Variants in CTNND2 observed in about 807,000 individuals in gnomAD.
CTNND2 encodes the protein catenin delta 2.
Under a neutral mutation model 144.4 loss-of-function variants are expected in CTNND2, and 22 were observed. The ratio of observed to expected loss-of-function variants is 0.15; its 90% confidence interval spans 0.11 to 0.22. The LOEUF is 0.22. Ranked by LOEUF, CTNND2 falls within the 10% of genes least tolerant of loss-of-function variation. CTNND2 has a pLI of 1.00. For missense variants in CTNND2, 1,353 were observed against 1,618.8 expected, an observed-to-expected ratio of 0.84 and a Z score of 2.82; for synonymous variants, 751 against 695.6, an observed-to-expected ratio of 1.08 and a Z score of -1.25.
chr5:11,119,126 G>T (rs1037985227), intron 12 of CTNND2, among the ~76,000 whole-genome samples: 53 of 152,132 alleles, frequency 3.5e-4, no homozygotes, highest in Non-Finnish European at 1.5e-5. Flanking sequence ...GGAGGAGCTG[G>T]AACAAAACCT....
chr5:11,748,185 A>AAAAGAACAAAC (rs6148910), intron 1 of CTNND2, among the ~76,000 whole-genome samples: 8 of 152,104 alleles, frequency 5.3e-5, no homozygotes, highest in Admixed American at 4.6e-4. Context: ...TGCTGACCTT[A>AAAAGAACAAAC]AGAAAACAAA....
At position 11,373,849 on chromosome 5, in the gene CTNND2, G is replaced by C. The variant is rs560544237; in HGVS notation, c.1178-8959C>G. Reference sequence around the variant, plus strand: ...GAACCTCTTCTTAGATGAGGTTTTAGTGTCAGAAATTTGCGGGTACCTTTG... The same window carrying C: ...GAACCTCTTCTTAGATGAGGTTTTACTGTCAGAAATTTGCGGGTACCTTTG... On this transcript the variant is annotated intron_variant, in intron 7 of 21. Transcript: ENST00000304623. Among the ~76,000 whole-genome samples, 9 of 152,302 alleles carry C rather than the reference G, an allele frequency of 5.9e-5. No homozygotes were observed. In the South Asian group the frequency reaches 8.3e-4, roughly 14 times the overall value.
intron 1 of CTNND2, among the ~76,000 whole-genome samples, chr5:11,895,562 T>A (rs1737325536): frequency 6.6e-6 from 1 of 152,182 alleles, no homozygotes; most frequent in South Asian, 2.1e-4. Flanking sequence ...CTGCTGTATT[T>A]ACTACTGGGA....
intron 3 of CTNND2, among the ~76,000 whole-genome samples, chr5:11,461,267 T>C (rs1475555262): frequency 6.6e-6 from 1 of 152,220 alleles, no homozygotes; most frequent in Non-Finnish European, 1.5e-5. Flanking sequence ...AGTAAGGCAC[T>C]GTCCCATCTC....
Position 11,882,158 on chromosome 5 carries a change from C to T in CTNND2, c.37+21659G>A, listed in dbSNP as rs1471184. Among the ~76,000 whole-genome samples, 1,154 of 152,140 alleles carry T rather than the reference C, an allele frequency of 7.6e-3. 14 individuals are homozygous for T. The highest frequency in any genetic ancestry group is 0.026 in the African/African-American group (1,069 of 41,528). Reference sequence around the variant, plus strand: ...TAGTTTGCAAATATTTTCTTCCATTCTGTATACTGTCTCTTCACTCTATTG... The same window carrying T: ...TAGTTTGCAAATATTTTCTTCCATTTTGTATACTGTCTCTTCACTCTATTG... On this transcript the variant is annotated intron_variant, in intron 1 of 21. Coordinates refer to ENST00000304623, the MANE Select transcript of CTNND2 (RefSeq NM_001332.4).
rs936007350 is a variant in CTNND2 at position 11,569,531 on chromosome 5, A to C, written c.175-4475T>G. On this transcript the variant is annotated intron_variant, in intron 2 of 21. Transcript: ENST00000304623. ...TAAATGGAGTTTATTAAATGTTTTT[A>C]AGTAGATAAAAGCATGTAAAGTCTC... 2.6e-5 allele frequency among the ~76,000 whole-genome samples: 4 copies of C among 152,286 alleles called. No individual in the cohort carries two copies. In the East Asian group the frequency reaches 7.7e-4, roughly 29 times the overall value.
At chr5:11,755,119 C>A (rs984471194) in intron 1 of CTNND2, among the ~76,000 whole-genome samples, 8 of 151,874 alleles carry the variant, frequency 5.3e-5, no homozygotes, top group African/African-American at 1.9e-4. Flanking sequence ...TTCAGGACCT[C>A]TTGTAAAACA....
At chr5:11,516,694 G>A (rs576118897) in intron 3 of CTNND2, among the ~76,000 whole-genome samples, 2 of 152,138 alleles carry the variant, frequency 1.3e-5, no homozygotes, top group African/African-American at 4.8e-5. Context: ...TATAAAAATG[G>A]TCCATGTTCA....
At chr5:11,304,432 A>G (rs1048582578) in intron 9 of CTNND2, among the ~76,000 whole-genome samples, 1 of 152,096 alleles carries the variant, frequency 6.6e-6, no homozygotes, top group Non-Finnish European at 1.5e-5. Context: ...TCCCCCATGC[A>G]TAACACTACT....
chr5:11,571,633 C>A (rs894545107), intron 2 of CTNND2, among the ~76,000 whole-genome samples: 2 of 152,018 alleles, frequency 1.3e-5, no homozygotes, highest in African/African-American at 4.8e-5. Flanking sequence ...AGCCAATCTC[C>A]GGAGCTTACC....
At chr5:11,655,756 C>G (rs971749445) in intron 2 of CTNND2, among the ~76,000 whole-genome samples, 2 of 151,992 alleles carry the variant, frequency 1.3e-5, no homozygotes, top group Non-Finnish European at 1.5e-5. Context: ...TAGAAGCAAC[C>G]CTAAGAAGCT....
At chr5:11,510,921 ACT>A (rs1233895262) in intron 3 of CTNND2, among the ~76,000 whole-genome samples, 1 of 131,086 alleles carries the variant, frequency 7.6e-6, no homozygotes, top group African/African-American at 3.1e-5. Flanking sequence ...ACAGAAAGAG[ACT>A]CTATCTCAAA....
intron 13 of CTNND2, among the ~76,000 whole-genome samples, chr5:11,114,401 G>A (rs1753339595): frequency 6.6e-6 from 1 of 152,180 alleles, no homozygotes. Context: ...AGGAATGGGG[G>A]AAAGAAGATC....
At chr5:11,322,715 A>G (rs754500508) in intron 9 of CTNND2, among the ~76,000 whole-genome samples, 1 of 152,264 alleles carries the variant, frequency 6.6e-6, no homozygotes, top group Non-Finnish European at 1.5e-5. Flanking sequence ...AGTATAGAAC[A>G]AAATATATTT....
intron 12 of CTNND2, among the ~76,000 whole-genome samples, chr5:11,141,868 G>A (rs1756762396): frequency 1.3e-5 from 2 of 152,218 alleles, no homozygotes; most frequent in Admixed American, 6.5e-5. Flanking sequence ...ATGTAACAGT[G>A]TTGAGAAGTG....
At chr5:11,134,356 C>T (rs1755918295) in intron 12 of CTNND2, among the ~76,000 whole-genome samples, 1 of 152,198 alleles carries the variant, frequency 6.6e-6, no homozygotes, top group African/African-American at 2.4e-5. Flanking sequence ...GCAAAAAGAG[C>T]CCAATGGCCA....
intron 3 of CTNND2, among the ~76,000 whole-genome samples, chr5:11,473,189 T>C (rs1767388468): frequency 6.6e-6 from 1 of 152,184 alleles, no homozygotes; most frequent in Admixed American, 6.5e-5. Flanking sequence ...GCCAGAAGCT[T>C]TGACTATAAG....
intron 2 of CTNND2, among the ~76,000 whole-genome samples, chr5:11,651,540 T>C (rs889705548): frequency 2.6e-5 from 4 of 152,154 alleles, no homozygotes; most frequent in African/African-American, 9.7e-5. Flanking sequence ...ACCAGAATGG[T>C]AGATCCACTG....
intron 1 of CTNND2, among the ~76,000 whole-genome samples, chr5:11,862,635 T>A (rs950969017): frequency 6.6e-6 from 1 of 152,212 alleles, no homozygotes; most frequent in Admixed American, 6.5e-5. Flanking sequence ...AAAATAACAA[T>A]CATATTACTA....
Sources: allele counts gnomAD v4.1 joint callset (sites outside exome capture counted in the v4.1 genomes callset), GRCh38; gene constraint gnomAD v4.1.1; transcripts MANE v1.5; gene names NCBI Gene and HGNC (gene_info 2026-07-23, HGNC 2026-07-21).